CDH20: variants seen among roughly 807,000 people sequenced by gnomAD.
CDH20 encodes the protein cadherin-20.
CDH20 carries 29 observed loss-of-function variants against 74.2 expected under a neutral mutation model. That is an observed-to-expected ratio of 0.39 (90% CI 0.29 to 0.53). The LOEUF is 0.53. Among genes scored for constraint, CDH20 ranks in the 20% least tolerant of loss-of-function variants. The pLI, the probability that CDH20 is intolerant of heterozygous loss-of-function variation, is 0.69. For missense variants in CDH20, 988 were observed against 1,048.3 expected (o/e 0.94, Z 0.79); for synonymous variants, 469 against 405.4 (o/e 1.16, Z -1.88).
At chr18:61,521,761 G>C (rs1253931264) in intron 6 of CDH20, among the ~76,000 whole-genome samples, 1 of 144,044 alleles carries the variant, frequency 6.9e-6, no homozygotes, top group Non-Finnish European at 1.5e-5. Context: ...ATGCAAGGCT[G>C]GTTCAACATA....
At chr18:61,413,864 A>G (rs1437722552) in intron 1 of CDH20, among the ~76,000 whole-genome samples, 1 of 152,190 alleles carries the variant, frequency 6.6e-6, no homozygotes, top group Non-Finnish European at 1.5e-5. Flanking sequence ...CATACAGAAC[A>G]CTTTTCCTGT....
Position 61,478,740 on chromosome 18 carries a change from G to T in CDH20, c.-152-11662G>T, listed in dbSNP as rs57499761. Among the ~76,000 whole-genome samples the T allele has an allele frequency of 7.8e-3, 1,192 of 152,200 alleles. 18 individuals carry two copies. Among genetic ancestry groups the T allele is most frequent in the African/African-American group, 0.027 (1,139 of 41,526 alleles). On this transcript the variant is annotated intron_variant, in intron 1 of 11. Coordinates refer to ENST00000262717, the MANE Select transcript of CDH20 (RefSeq NM_031891.4). Reference sequence around the variant, plus strand: ...TTTTTCCCAAATATGTAACACAGATGAAGGTGGAGCTTAGTAAACGGGAAA... The same window carrying T: ...TTTTTCCCAAATATGTAACACAGATTAAGGTGGAGCTTAGTAAACGGGAAA...
intron 1 of CDH20, among the ~76,000 whole-genome samples, chr18:61,460,741 T>C (rs1909738683): frequency 6.6e-6 from 1 of 152,220 alleles, no homozygotes; most frequent in Non-Finnish European, 1.5e-5. Context: ...GGTTTATTTA[T>C]TGCATAAGCT....
At chr18:61,551,980 A>G (rs943481460) in intron 11 of CDH20, among the ~76,000 whole-genome samples, 1 of 152,220 alleles carries the variant, frequency 6.6e-6, no homozygotes, top group African/African-American at 2.4e-5. Flanking sequence ...TAAACCGTAC[A>G]GAAAAAGTAA....
At chr18:61,547,247 G>C (rs1275151162) in intron 10 of CDH20, among the ~76,000 whole-genome samples, 2 of 152,094 alleles carry the variant, frequency 1.3e-5, no homozygotes, top group Non-Finnish European at 2.9e-5. Flanking sequence ...AGGATCATTT[G>C]AGCCCAGGAG....
intron 10 of CDH20, 72 bp from the exon 11 acceptor site, chr18:61,549,906 C>A: frequency 6.6e-7 from 1 of 1,511,926 alleles, no homozygotes; most frequent in South Asian, 1.2e-5. Context: ...TGCCCCTGCC[C>A]CCTTGCTTTC....
At position 61,515,422 on chromosome 18, in the gene CDH20, C is replaced by A. The variant is rs1911961830; in HGVS notation, c.1017+7862C>A. 2.0e-5 allele frequency among the ~76,000 whole-genome samples: 3 copies of A among 152,092 alleles called. No individual in the cohort carries two copies. In the South Asian group the frequency reaches 6.2e-4, roughly 32 times the overall value. On this transcript the variant is annotated intron_variant, in intron 6 of 11. Coordinates refer to ENST00000262717, the MANE Select transcript of CDH20 (RefSeq NM_031891.4). ...GTCTGGCACTCCCTAGCGAGATGAA[C>A]CCGGTACCTCAGATGGAAATGCAGA...
At chr18:61,523,397 A>G (rs916198112) in intron 6 of CDH20, among the ~76,000 whole-genome samples, 31 of 152,224 alleles carry the variant, frequency 2.0e-4, no homozygotes, top group African/African-American at 5.8e-4. Context: ...AATGGTGATC[A>G]TTAAAAAAGT....
chr18:61,551,071 A>G (rs1451068861), intron 11 of CDH20, among the ~76,000 whole-genome samples: 2 of 152,198 alleles, frequency 1.3e-5, no homozygotes, highest in Admixed American at 6.5e-5. Flanking sequence ...TACTGGGGTA[A>G]GGAACCCTTC....
chr18:61,404,920 T>C (rs1445856406), intron 1 of CDH20: 24 of 697,608 alleles, frequency 3.4e-5, no homozygotes, highest in South Asian at 9.9e-5. Context: ...GGATCAATGA[T>C]AGCCAGTGTG....
intron 1 of CDH20, among the ~76,000 whole-genome samples, chr18:61,454,968 T>A (rs1350622295): frequency 4.6e-5 from 7 of 152,208 alleles, no homozygotes. Context: ...TCAGCAGGCA[T>A]CTGACTACAG....
chr18:61,494,594 T>G (rs1310564475), intron 2 of CDH20, among the ~76,000 whole-genome samples: 1 of 152,168 alleles, frequency 6.6e-6, no homozygotes, highest in African/African-American at 2.4e-5. Context: ...AGGGGCATTC[T>G]GCTTGCGACC....
chr18:61,447,111 A>G (rs139485485), intron 1 of CDH20, among the ~76,000 whole-genome samples: 58 of 152,334 alleles, frequency 3.8e-4, no homozygotes, highest in African/African-American at 1.3e-3. Context: ...AAAGTAGCTA[A>G]TGAAAGTTCT....
intron 6 of CDH20, among the ~76,000 whole-genome samples, chr18:61,522,216 CAA>C (rs1912235396): frequency 6.6e-6 from 1 of 152,184 alleles, no homozygotes; most frequent in Non-Finnish European, 1.5e-5. Flanking sequence ...GCAACTATAG[CAA>C]AGTCTCAGGA....
rs542595667 is a variant in CDH20, at chr18:61,408,388, CAA to C, written c.-153+74563_-153+74564del. ...TAACTGTTGGGATGTGCCATTTTTT[CAA>C]AGAGAAGGCACTAAGAAAGACATAA... is the stretch of plus-strand genomic sequence containing the variant. On this transcript the variant is annotated intron_variant, in intron 1 of 11. Coordinates refer to ENST00000262717, the MANE Select transcript of CDH20 (RefSeq NM_031891.4). Among the ~76,000 whole-genome samples the C allele has an allele frequency of 1.3e-3, 200 of 152,156 alleles. 3 individuals are homozygous for C. The highest frequency in any genetic ancestry group is 6.8e-3 in the Middle Eastern group (2 of 294).
intron 1 of CDH20, among the ~76,000 whole-genome samples, chr18:61,453,387 C>T (rs1909462819): frequency 6.6e-6 from 1 of 152,168 alleles, no homozygotes; most frequent in Non-Finnish European, 1.5e-5. Flanking sequence ...AAGTGATTCC[C>T]CTGCCTCAGC....
At chr18:61,448,175 C>T (rs749739981) in intron 1 of CDH20, among the ~76,000 whole-genome samples, 1 of 152,122 alleles carries the variant, frequency 6.6e-6, no homozygotes, top group Non-Finnish European at 1.5e-5. Flanking sequence ...CATTAAATAT[C>T]AAAAAGGAAA....
At chr18:61,368,286 G>A (rs1910925622) in intron 1 of CDH20, among the ~76,000 whole-genome samples, 2 of 151,744 alleles carry the variant, frequency 1.3e-5, no homozygotes, top group Non-Finnish European at 2.9e-5. Flanking sequence ...AGGGGGAGGG[G>A]GAATTATTTT....
chr18:61,401,906 G>A (rs1214335557), intron 1 of CDH20, among the ~76,000 whole-genome samples: 2 of 152,142 alleles, frequency 1.3e-5, no homozygotes, highest in East Asian at 1.9e-4. Context: ...AAAACAAGGA[G>A]ATTATAATAA....
Sources: allele counts gnomAD v4.1 joint callset (sites outside exome capture counted in the v4.1 genomes callset), GRCh38; gene constraint gnomAD v4.1.1; transcripts MANE v1.5; gene names NCBI Gene and HGNC (gene_info 2026-07-23, HGNC 2026-07-21).